The following SEPTIN10 variants were observed in gnomAD, a reference collection of about 807,000 sequenced individuals.
SEPTIN10 encodes septin-10.
A neutral mutation model predicts 54.8 loss-of-function variants in SEPTIN10; 66 were observed. The observed-to-expected ratio is 1.21, with a 90% CI of 0.99 to 1.48. The LOEUF (loss-of-function observed/expected upper bound fraction) is 1.48. Among genes scored for constraint, SEPTIN10 ranks in the 40% most tolerant of loss-of-function variants. The probability of loss-of-function intolerance (pLI) is 0.00; values close to 1 mark genes in which losing one functional copy is unlikely to be tolerated. For missense variants in SEPTIN10, 620 were observed against 545.6 expected, an observed-to-expected ratio of 1.14 and a Z score of -1.36; for synonymous variants, 161 against 181.0, an observed-to-expected ratio of 0.89 and a Z score of 0.89.
chr2:109,589,520 ACT>A (rs1031894763), intron 2 of SEPTIN10, among the ~76,000 whole-genome samples: 11 of 152,006 alleles, frequency 7.2e-5, no homozygotes, highest in African/African-American at 2.7e-4. Context: ...ACAGAGCAAG[ACT>A]CTGTCTCAAA....
At chr2:109,611,746 G>A (rs1699298753) in intron 1 of SEPTIN10, among the ~76,000 whole-genome samples, 1 of 152,152 alleles carries the variant, frequency 6.6e-6, no homozygotes, top group Non-Finnish European at 1.5e-5. Context: ...TAGCCTGGGT[G>A]ACAATACGAG....
intron 1 of SEPTIN10, among the ~76,000 whole-genome samples, chr2:109,609,068 T>A (rs1171247275): frequency 6.6e-6 from 1 of 152,112 alleles, no homozygotes; most frequent in Non-Finnish European, 1.5e-5. Flanking sequence ...AATCAATTAA[T>A]CCAAACATAA....
chr2:109,587,463 G>T (rs1229416394), intron 2 of SEPTIN10, among the ~76,000 whole-genome samples: 28 of 151,916 alleles, frequency 1.8e-4, no homozygotes, highest in Non-Finnish European at 5.9e-5. Flanking sequence ...GGGGTAGGAG[G>T]GAGGGAAAAA....
chr2:109,565,653 T>G (rs562510448), intron 7 of SEPTIN10, 110 bp downstream of exon 7: 41 of 961,960 alleles, frequency 4.3e-5, no homozygotes, highest in Non-Finnish European at 6.5e-5. Flanking sequence ...AGCCAATTCC[T>G]CTGACAACCA....
Position 109,578,537 on chromosome 2 carries a change from G to A in SEPTIN10, c.414-3770C>T, listed in dbSNP as rs796610746. Among the ~76,000 whole-genome samples the A allele has an allele frequency of 1.9e-4, 6 of 31,384 alleles. 1 individual carries two copies. The highest frequency in any genetic ancestry group is 6.3e-4 in the African/African-American group (6 of 9,556). 20.6% of individuals were successfully genotyped at this position (31,384 alleles called of 152,430 possible). ...TCCCAGCACTTTGGGAGGCCGAGGAGGGTGGAATCACCTGAGGTCAGGAGT... is the reference window on the plus strand; with the variant it reads ...TCCCAGCACTTTGGGAGGCCGAGGAAGGTGGAATCACCTGAGGTCAGGAGT... On this transcript the variant is annotated intron_variant, in intron 4 of 10. Coordinates refer to ENST00000397712, the MANE Select transcript of SEPTIN10 (RefSeq NM_144710.5).
intron 10 of SEPTIN10, chr2:109,545,694 T>G: frequency 6.8e-7 from 1 of 1,460,016 alleles, no homozygotes. Flanking sequence ...TCAAAATAAC[T>G]CATGGTAGGT....
chr2:109,550,185 G>A (rs891984524), intron 9 of SEPTIN10, among the ~76,000 whole-genome samples: 2 of 151,854 alleles, frequency 1.3e-5, no homozygotes, highest in Admixed American at 6.6e-5. Flanking sequence ...AGCTACTCGG[G>A]AGGCTGAGGC....
Position 109,600,109 on chromosome 2 carries a change from G to C in SEPTIN10, c.31-6990C>G, listed in dbSNP as rs555445436. ...TCTCCCTAGGCAGCTGGTAGTTGAAGACTGGGCACAGTAGGGATGTCAGGG... is the reference window on the plus strand; with the variant it reads ...TCTCCCTAGGCAGCTGGTAGTTGAACACTGGGCACAGTAGGGATGTCAGGG... On this transcript the variant is annotated intron_variant, in intron 1 of 10. Coordinates refer to ENST00000397712, the MANE Select transcript of SEPTIN10 (RefSeq NM_144710.5). 7.4e-4 allele frequency among the ~76,000 whole-genome samples: 112 copies of C among 152,264 alleles called. 2 individuals are homozygous for C. The highest frequency in any genetic ancestry group is 1.2e-3 in the Non-Finnish European group (85 of 68,014).
chr2:109,560,795 A>G (rs1459507772), intron 8 of SEPTIN10, among the ~76,000 whole-genome samples: 2 of 152,130 alleles, frequency 1.3e-5, no homozygotes, highest in Non-Finnish European at 2.9e-5. Flanking sequence ...ATGAAACCAT[A>G]AATTCAGGAG....
At chr2:109,598,785 C>T (rs1435210613) in intron 1 of SEPTIN10, among the ~76,000 whole-genome samples, 8 of 151,974 alleles carry the variant, frequency 5.3e-5, no homozygotes, top group African/African-American at 1.7e-4. Context: ...TACCAGGAGG[C>T]AGGAGAACTG....
chr2:109,613,419 A>G (rs1699714692), intron 1 of SEPTIN10: 1 of 314,084 alleles, frequency 3.2e-6, no homozygotes, highest in Non-Finnish European at 6.4e-6. Flanking sequence ...GGAAGTGCTC[A>G]CGGCTGCAAA....
intron 8 of SEPTIN10, among the ~76,000 whole-genome samples, chr2:109,555,180 T>G (rs913525304): frequency 1.3e-5 from 2 of 152,194 alleles, no homozygotes; most frequent in Non-Finnish European, 2.9e-5. Flanking sequence ...CACATTAAAG[T>G]TATGCTATCT....
chr2:109,555,331 T>C (rs1382426983), intron 8 of SEPTIN10, among the ~76,000 whole-genome samples: 6 of 152,182 alleles, frequency 3.9e-5, no homozygotes, highest in Admixed American at 3.3e-4. Flanking sequence ...ACCTGTTCAT[T>C]GTTCCCAGAA....
At chr2:109,600,964 C>A (rs1205476422) in intron 1 of SEPTIN10, among the ~76,000 whole-genome samples, 1 of 152,166 alleles carries the variant, frequency 6.6e-6, no homozygotes, top group Non-Finnish European at 1.5e-5. Context: ...GTGGAAGAGT[C>A]CCAAGCCCAG....
chr2:109,585,979 A>T, intron 2 of SEPTIN10, 141 bp from the exon 3 acceptor site: 1 of 615,462 alleles, frequency 1.6e-6, no homozygotes, highest in Non-Finnish European at 2.8e-6. Flanking sequence ...GATACAAGCG[A>T]TTAAGTAAAT....
intron 9 of SEPTIN10, among the ~76,000 whole-genome samples, chr2:109,551,903 T>C (rs1683043077): frequency 6.6e-6 from 1 of 152,184 alleles, no homozygotes; most frequent in African/African-American, 2.4e-5. Context: ...ATTTTTTTGG[T>C]GCCAGGGCTA....
intron 1 of SEPTIN10, chr2:109,613,249 G>A (rs754256526): frequency 2.3e-4 from 261 of 1,138,574 alleles, no homozygotes; most frequent in Admixed American, 6.8e-4. Context: ...TCAAAACAGT[G>A]AACAAACGCG....
In SEPTIN10 at chr2:109,574,657, C is replaced by G. The variant is rs1258610046; in HGVS notation, c.524G>C (p.Cys175Ser). ...FTYHDSRIHV[C>S]LYFISPTGHS... ...GCCTGTCGGTGAAATGAAGTAGAGA[C>G]ACACATGGATGCGAGAATCATGGTA... The change falls in exon 5 of 11, where the codon TGT becomes TCT. Residue 175 changes from cysteine (C) to serine (S), a missense_variant. Cys to Ser is a moderately radical substitution (Grantham distance 112, BLOSUM62 -1). Transcript: ENST00000397712. 6.2e-7 allele frequency: 1 copy of G among 1,608,764 alleles called. No individual in the cohort carries two copies. The highest frequency in any genetic ancestry group is 8.5e-7 in the Non-Finnish European group (1 of 1,177,594).
intron 2 of SEPTIN10, among the ~76,000 whole-genome samples, chr2:109,590,188 T>G (rs1400357344): frequency 6.6e-6 from 1 of 151,952 alleles, no homozygotes; most frequent in African/African-American, 2.4e-5. Flanking sequence ...CAGTCAGCAG[T>G]AGACTTACAG....
Sources: gnomAD v4.1 joint callset for allele counts (sites outside exome capture counted in the v4.1 genomes callset) on GRCh38, gnomAD v4.1.1 for gene constraint, MANE v1.5 for transcripts, NCBI Gene and HGNC (gene_info 2026-07-23, HGNC 2026-07-21) for gene names.